LRMDA: variants seen among roughly 807,000 people sequenced by gnomAD.
LRMDA encodes the protein leucine rich melanocyte differentiation associated.
LRMDA carries 18 observed loss-of-function variants against 29.8 expected under a neutral mutation model. That is an observed-to-expected ratio of 0.60 (90% CI 0.42 to 0.90). LRMDA has a LOEUF of 0.90. LRMDA is among the 40% of genes least tolerant of loss of function. LRMDA has a pLI of 0.00. For missense variants in LRMDA, 273 were observed against 273.9 expected (o/e 1.00, Z 0.02); for synonymous variants, 125 against 109.4 (o/e 1.14, Z -0.89).
chr10:75,695,895 T>TA (rs1278324370), intron 2 of LRMDA, among the ~76,000 whole-genome samples: 1 of 152,210 alleles, frequency 6.6e-6, no homozygotes, highest in Non-Finnish European at 1.5e-5. Flanking sequence ...AAAGGGCCAT[T>TA]ACTTTTTGCA....
chr10:76,354,502 T>C (rs1841215581), intron 6 of LRMDA, among the ~76,000 whole-genome samples: 1 of 152,206 alleles, frequency 6.6e-6, no homozygotes, highest in Admixed American at 6.5e-5. Flanking sequence ...TAGTGACTTA[T>C]ACATCAAATC....
intron 2 of LRMDA, among the ~76,000 whole-genome samples, chr10:75,894,742 G>A (rs1009847063): frequency 1.3e-5 from 2 of 152,130 alleles, no homozygotes; most frequent in African/African-American, 4.8e-5. Flanking sequence ...CCCCTTTGCT[G>A]ACTACACACC....
At chr10:75,772,640 G>A (rs544446425) in intron 2 of LRMDA, among the ~76,000 whole-genome samples, 4 of 152,200 alleles carry the variant, frequency 2.6e-5, no homozygotes, top group South Asian at 2.1e-4. Context: ...GAAAGTGCTC[G>A]AATAGCAAAT....
intron 2 of LRMDA, among the ~76,000 whole-genome samples, chr10:75,844,023 T>A (rs931314824): frequency 9.2e-5 from 14 of 152,044 alleles, no homozygotes; most frequent in African/African-American, 3.4e-4. Flanking sequence ...CCCCTGTAGA[T>A]GAAAAAGTCC....
At chr10:75,577,061 T>C (rs537810199) in intron 2 of LRMDA, among the ~76,000 whole-genome samples, 1 of 152,238 alleles carries the variant, frequency 6.6e-6, no homozygotes. Flanking sequence ...AGAAGAAGGC[T>C]TCAGAAGGTG....
intron 5 of LRMDA, among the ~76,000 whole-genome samples, chr10:76,205,118 G>A (rs1159141934): frequency 6.6e-6 from 1 of 152,134 alleles, no homozygotes; most frequent in African/African-American, 2.4e-5. Context: ...TAGGTCCCAA[G>A]AGCGCACTTA....
chr10:76,405,834 G>T (rs1472685024), intron 6 of LRMDA, among the ~76,000 whole-genome samples: 1 of 151,896 alleles, frequency 6.6e-6, no homozygotes, highest in Non-Finnish European at 1.5e-5. Flanking sequence ...TTCCTTTTCT[G>T]TGTCTCTTGT....
chr10:76,000,907 G>A (rs1452499361), intron 2 of LRMDA, among the ~76,000 whole-genome samples: 1 of 152,136 alleles, frequency 6.6e-6, no homozygotes, highest in Non-Finnish European at 1.5e-5. Flanking sequence ...ACCATAAGGG[G>A]TCTTCACATG....
intron 2 of LRMDA, among the ~76,000 whole-genome samples, chr10:75,668,200 G>A (rs1277816322): frequency 6.6e-6 from 1 of 152,168 alleles, no homozygotes; most frequent in East Asian, 1.9e-4. Flanking sequence ...TGCATCAGGA[G>A]TTTGGTGTTC....
At chr10:75,661,680 T>C (rs1841755176) in intron 2 of LRMDA, among the ~76,000 whole-genome samples, 1 of 152,298 alleles carries the variant, frequency 6.6e-6, no homozygotes, top group African/African-American at 2.4e-5. Flanking sequence ...AGGTGATATA[T>C]ACACATGAAC....
chr10:76,556,597 C>T (rs2132401160), intron 6 of LRMDA: 1 of 152,524 alleles, frequency 6.6e-6, no homozygotes, highest in Middle Eastern at 3.4e-3. Context: ...TTGTGATCCA[C>T]CTGCCTCGGC....
At chr10:76,143,853 T>C (rs1378320674) in intron 5 of LRMDA, among the ~76,000 whole-genome samples, 1 of 152,254 alleles carries the variant, frequency 6.6e-6, no homozygotes, top group African/African-American at 2.4e-5. Flanking sequence ...TTAATCCATC[T>C]TGAATTAATT....
Position 76,469,407 on chromosome 10 carries a change from G to A in LRMDA, c.602-87802G>A, listed in dbSNP as rs576037353. ...ATGTGGCAGTTCTACCACAGGTGAA[G>A]CTAACTGAGAACACTTGGGCCCTCA... On this transcript the variant is annotated intron_variant, in intron 6 of 6. Coordinates refer to ENST00000611255, the MANE Select transcript of LRMDA (RefSeq NM_001305581.2). 2.4e-3 allele frequency among the ~76,000 whole-genome samples: 368 copies of A among 152,276 alleles called. 2 individuals carry two copies. The highest frequency in any genetic ancestry group is 8.4e-3 in the African/African-American group (350 of 41,564).
intron 6 of LRMDA, among the ~76,000 whole-genome samples, chr10:76,540,922 T>C (rs543899855): frequency 1.3e-5 from 2 of 152,326 alleles, no homozygotes; most frequent in Admixed American, 6.5e-5. Flanking sequence ...TTGTTTTAAA[T>C]GCTTGACAAT....
chr10:76,453,158 G>T (rs1446200585), intron 6 of LRMDA, among the ~76,000 whole-genome samples: 1 of 152,166 alleles, frequency 6.6e-6, no homozygotes, highest in Non-Finnish European at 1.5e-5. Context: ...TTCCCTGCAG[G>T]GCACAGTTCC....
At chr10:76,249,395 A>G (rs183367932) in intron 5 of LRMDA, among the ~76,000 whole-genome samples, 1 of 152,288 alleles carries the variant, frequency 6.6e-6, no homozygotes, top group East Asian at 1.9e-4. Context: ...ACTTTTGCTG[A>G]GTGTTCCAAG....
chr10:76,447,072 A>G (rs7923619), intron 6 of LRMDA, among the ~76,000 whole-genome samples: 143,367 of 151,414 alleles, frequency 0.95, 68,336 homozygotes, highest in Non-Finnish European at 0.99. Context: ...TTTTAACCTC[A>G]TTATGTCTCA....
intron 2 of LRMDA, among the ~76,000 whole-genome samples, chr10:75,987,389 C>T (rs537099973): frequency 6.6e-6 from 1 of 152,154 alleles, no homozygotes; most frequent in Non-Finnish European, 1.5e-5. Context: ...TTATCAGTGT[C>T]CCTGGCTTCT....
intron 2 of LRMDA, among the ~76,000 whole-genome samples, chr10:75,904,776 C>CT (rs1267865035): frequency 2.8e-4 from 43 of 152,294 alleles, no homozygotes; most frequent in African/African-American, 1.0e-3. Context: ...GACGAGAAAG[C>CT]TATAGATTGA....
Sources: allele counts gnomAD v4.1 joint callset (sites outside exome capture counted in the v4.1 genomes callset), GRCh38; gene constraint gnomAD v4.1.1; transcripts MANE v1.5; gene names NCBI Gene and HGNC (gene_info 2026-07-23, HGNC 2026-07-21).